RFX4: variants seen among roughly 807,000 people sequenced by gnomAD.
RFX4 encodes regulatory factor X4.
In RFX4, 10 loss-of-function variants were observed where a neutral mutation model predicts 95.0. The observed-to-expected ratio is 0.11, with a 90% CI of 0.06 to 0.18. The LOEUF is 0.18. Among genes scored for constraint, RFX4 ranks in the 10% least tolerant of loss-of-function variants. The pLI is 1.00. For missense variants in RFX4, 640 were observed against 922.0 expected, an observed-to-expected ratio of 0.69 and a Z score of 3.96; for synonymous variants, 321 against 340.7, an observed-to-expected ratio of 0.94 and a Z score of 0.64.
chr12:106,717,208 G>T (rs1395330660), intron 11 of RFX4, among the ~76,000 whole-genome samples: 1 of 152,048 alleles, frequency 6.6e-6, no homozygotes, highest in African/African-American at 2.4e-5. Flanking sequence ...CAGGCACAGA[G>T]CAGGTGTCCA....
chr12:106,672,880 C>T (rs1244158729), intron 4 of RFX4, among the ~76,000 whole-genome samples: 2 of 152,030 alleles, frequency 1.3e-5, no homozygotes, highest in African/African-American at 2.4e-5. Context: ...TCTTGACCTG[C>T]ATTTGGGCAG....
chr12:106,583,147 CTTCTTTTTCTT>C lies in RFX4; in HGVS notation c.-166_-156del, dbSNP rs1000664745. The C allele has an allele frequency of 1.4e-5, 7 of 509,972 alleles. No homozygotes were observed. The highest frequency in any genetic ancestry group is 4.3e-5 in the South Asian group (1 of 23,396). The allele number at this position is 509,972 out of a possible 1,614,324, so 31.6% of individuals were successfully genotyped here. On this transcript the variant is annotated 5_prime_UTR_variant, in exon 1 of 18. Transcript: ENST00000392842. ...TTTTCTTCTTTCTCTTTTCTTTCCTCTTCTTTTTCTTTTCTTTTCCTTTCCTCCTTTATCCT... is the reference window on the plus strand; with the variant it reads ...TTTTCTTCTTTCTCTTTTCTTTCCTCTTCTTTTCCTTTCCTCCTTTATCCT...
chr12:106,749,344 TG>T, intron 16 of RFX4, among the ~76,000 whole-genome samples: 1 of 150,906 alleles, frequency 6.6e-6, no homozygotes, highest in South Asian at 2.1e-4. Flanking sequence ...AGACCAGTTG[TG>T]GGGGACATGG....
Position 106,750,657 on chromosome 12 carries a change from A to G in RFX4, c.1799A>G (p.Tyr600Cys), listed in dbSNP as rs2042984391. The change falls in exon 17 of 18, where the codon TAC becomes TGC. Residue 600 changes from tyrosine to cysteine, a missense_variant and splice_region_variant. By Grantham distance (194) the Tyr-to-Cys change is radical. This residue lies in a region of RFX4 where 300 missense variants were observed against 346.8 expected (regional missense o/e 0.87). Transcript: ENST00000392842. Reference protein sequence around the residue: ...PVYPHREEHGYTGSYNYGSYG... With the variant: ...PVYPHREEHGCTGSYNYGSYG... The stretch of plus-strand genomic sequence containing the variant: ...TCAATGTGCTTGATGCATTTTAGAT[A>G]CACGGGAAGCTATAACTATGGGAGC... 1.2e-6 allele frequency: 2 copies of G among 1,602,148 alleles called. No individual in the cohort carries two copies. The highest frequency in any genetic ancestry group is 2.7e-5 in the African/African-American group (2 of 74,242).
chr12:106,728,664 C>G (rs560631007), intron 13 of RFX4, among the ~76,000 whole-genome samples: 17 of 152,174 alleles, frequency 1.1e-4, no homozygotes, highest in Non-Finnish European at 2.1e-4. Flanking sequence ...GTCTCTCTGT[C>G]TCTCTCATCA....
intron 5 of RFX4, among the ~76,000 whole-genome samples, chr12:106,684,077 G>A (rs966029489): frequency 6.6e-6 from 1 of 152,216 alleles, no homozygotes; most frequent in Non-Finnish European, 1.5e-5. Flanking sequence ...AAGAAATCTG[G>A]GGGGGTGGGC....
rs999486751 is a variant in RFX4, at chr12:106,737,165, T to G, written c.1633+4080T>G. Among the ~76,000 whole-genome samples the G allele has an allele frequency of 1.2e-3, 40 of 32,430 alleles. 1 individual carries two copies. Among genetic ancestry groups the G allele is most frequent in the African/African-American group, 7.5e-3 (36 of 4,802 alleles). The allele number at this position is 32,430 out of a possible 152,430, so 21.3% of individuals were successfully genotyped here. A position where few individuals can be genotyped will look rare whatever the true frequency, so the allele number is the denominator to read the frequency against. On this transcript the variant is annotated intron_variant, in intron 15 of 17. Transcript: ENST00000392842. ...CCAGAATAGACTCGGAACTAAAGTT[T>G]TTTTTTTTTTTTTTTTTTTTTTTTT... is the stretch of plus-strand genomic sequence containing the variant.
chr12:106,651,379 G>A (rs369919574), intron 3 of RFX4, among the ~76,000 whole-genome samples: 12 of 152,098 alleles, frequency 7.9e-5, no homozygotes, highest in African/African-American at 2.7e-4. Context: ...CATGCCATAC[G>A]GTTATTGTGA....
chr12:106,728,508 T>C (rs1220867594), intron 13 of RFX4, among the ~76,000 whole-genome samples: 1 of 152,098 alleles, frequency 6.6e-6, no homozygotes, highest in African/African-American at 2.4e-5. Context: ...CTCTGCAAGA[T>C]AGAGCTTACA....
chr12:106,669,879 T>TGTGTGTGTGTG (rs2041249676), intron 4 of RFX4, among the ~76,000 whole-genome samples: 1 of 142,366 alleles, frequency 7.0e-6, no homozygotes, highest in South Asian at 2.3e-4. Flanking sequence ...TGTGTGTGTG[T>TGTGTGTGTGTG]AGTGCCATGT....
intron 16 of RFX4, among the ~76,000 whole-genome samples, chr12:106,750,024 G>C (rs1227946410): frequency 6.6e-6 from 1 of 152,148 alleles, no homozygotes; most frequent in African/African-American, 2.4e-5. Context: ...AGGAGTAGAG[G>C]TTTCCATCAC....
chr12:106,642,317 T>C (rs2040650703), intron 3 of RFX4, among the ~76,000 whole-genome samples: 1 of 151,222 alleles, frequency 6.6e-6, no homozygotes, highest in Admixed American at 6.6e-5. Context: ...TATATATATG[T>C]CATTAAACTA....
intron 1 of RFX4, among the ~76,000 whole-genome samples, chr12:106,600,404 T>C (rs1159274093): frequency 1.3e-5 from 2 of 151,940 alleles, no homozygotes; most frequent in African/African-American, 4.8e-5. Context: ...TTCTCTCGCG[T>C]GGCACTCTTG....
chr12:106,756,378 T>C (rs2043108822), intron 17 of RFX4, among the ~76,000 whole-genome samples: 1 of 152,206 alleles, frequency 6.6e-6, no homozygotes, highest in Non-Finnish European at 1.5e-5. Flanking sequence ...CAAAAGCCAT[T>C]TGATCACACT....
chr12:106,721,691 G>A (rs935715881), intron 13 of RFX4, among the ~76,000 whole-genome samples: 8 of 152,076 alleles, frequency 5.3e-5, no homozygotes, highest in African/African-American at 1.7e-4. Context: ...AGGCATTTTC[G>A]GCAAAGGGGC....
At chr12:106,752,008 T>C (rs2043015895) in intron 17 of RFX4, among the ~76,000 whole-genome samples, 1 of 145,376 alleles carries the variant, frequency 6.9e-6, no homozygotes, top group Non-Finnish European at 1.5e-5. Flanking sequence ...ATGAAGTCCT[T>C]GCCCATGCCT....
intron 17 of RFX4, among the ~76,000 whole-genome samples, 160 bp downstream of exon 17, chr12:106,750,953 TA>T (rs1190144617): frequency 6.6e-6 from 1 of 152,128 alleles, no homozygotes; most frequent in African/African-American, 2.4e-5. Flanking sequence ...TTTATTATTA[TA>T]CTTTAAGTTT....
intron 17 of RFX4, among the ~76,000 whole-genome samples, chr12:106,758,669 T>C (rs1265276689): frequency 6.6e-6 from 1 of 152,126 alleles, no homozygotes; most frequent in African/African-American, 2.4e-5. Flanking sequence ...GGCAGCTTAG[T>C]GAAGGAAGAG....
chr12:106,715,423 T>C lies in RFX4; in HGVS notation c.1017T>C (p.Ser339=), dbSNP rs760268079. Residue 339 remains serine (S), a synonymous_variant, in exon 11 of 18, where the codon AGT becomes AGC. Coordinates refer to ENST00000392842, the MANE Select transcript of RFX4 (RefSeq NM_213594.3). ...LCQASRTVIH[S]ADITFQMLED... Reference sequence around the variant, plus strand: ...AGGCATCTCGAACAGTGATCCACAGTGCAGACATCACGTTCCAAATGCTGG... The same window carrying C: ...AGGCATCTCGAACAGTGATCCACAGCGCAGACATCACGTTCCAAATGCTGG... 1.9e-6 allele frequency: 3 copies of C among 1,614,062 alleles called. No homozygotes were observed. The highest frequency in any genetic ancestry group is 1.1e-5 in the South Asian group (1 of 91,086).
Sources: gnomAD v4.1 joint callset for allele counts (sites outside exome capture counted in the v4.1 genomes callset) on GRCh38, gnomAD v4.1.1 for gene constraint, gnomAD v4.1.1 regional missense constraint, MANE v1.5 for transcripts, NCBI Gene and HGNC (gene_info 2026-07-23, HGNC 2026-07-21) for gene names.